LRIG1: variants seen among roughly 807,000 people sequenced by gnomAD.
LRIG1 encodes leucine rich repeats and immunoglobulin like domains 1.
In LRIG1, 48 loss-of-function variants were observed where a neutral mutation model predicts 99.2. The ratio of observed to expected loss-of-function variants is 0.48; its 90% confidence interval spans 0.38 to 0.62. The LOEUF (loss-of-function observed/expected upper bound fraction) is 0.62, where lower values mean the gene tolerates loss of function less well. Ranked by LOEUF, LRIG1 falls within the 20% of genes least tolerant of loss-of-function variation. The pLI is 0.00. For missense variants in LRIG1, 1,646 were observed against 1,434.4 expected (o/e 1.15, Z -2.38); for synonymous variants, 772 against 596.1 (o/e 1.29, Z -4.30).
At chr3:66,413,427 A>G (rs1029232583) in intron 5 of LRIG1, among the ~76,000 whole-genome samples, 2 of 152,258 alleles carry the variant, frequency 1.3e-5, no homozygotes, top group African/African-American at 4.8e-5. Flanking sequence ...AATCCACACC[A>G]CATGCCTCAA....
intron 3 of LRIG1, among the ~76,000 whole-genome samples, chr3:66,432,690 C>A (rs1703213939): frequency 6.6e-6 from 1 of 152,298 alleles, no homozygotes; most frequent in Admixed American, 6.5e-5. Context: ...ATATCCCACA[C>A]TCCTAGTCAG....
chr3:66,495,842 T>A (rs958730203), intron 1 of LRIG1, among the ~76,000 whole-genome samples: 1 of 152,120 alleles, frequency 6.6e-6, no homozygotes, highest in Non-Finnish European at 1.5e-5. Flanking sequence ...GCTGAAGACT[T>A]TGCACCAAGG....
intron 3 of LRIG1, among the ~76,000 whole-genome samples, chr3:66,427,489 G>T (rs1187647972): frequency 6.6e-6 from 1 of 152,178 alleles, no homozygotes; most frequent in Non-Finnish European, 1.5e-5. Flanking sequence ...ACACATGAAG[G>T]TGATGATTTC....
At chr3:66,477,011 C>T (rs551590389) in intron 1 of LRIG1, among the ~76,000 whole-genome samples, 6 of 152,296 alleles carry the variant, frequency 3.9e-5, no homozygotes, top group Middle Eastern at 3.4e-3. Flanking sequence ...GCTTTAAATA[C>T]GTCTGTTGAG....
At chr3:66,417,561 C>T (rs1214559733) in intron 3 of LRIG1, 1 of 371,902 alleles carries the variant, frequency 2.7e-6, no homozygotes, top group South Asian at 2.7e-5. Flanking sequence ...ATGACCTGAC[C>T]AGAATCCACG....
intron 9 of LRIG1, chr3:66,404,386 C>T (rs1453598721): frequency 2.1e-5 from 26 of 1,262,114 alleles, no homozygotes; most frequent in Middle Eastern, 4.7e-4. Flanking sequence ...GTCTTCCCTC[C>T]GAGCTGCTAG....
At chr3:66,493,193 G>A (rs1701144269) in intron 1 of LRIG1, among the ~76,000 whole-genome samples, 1 of 152,054 alleles carries the variant, frequency 6.6e-6, no homozygotes, top group South Asian at 2.1e-4. Flanking sequence ...ATTTTTCCAA[G>A]CTATTGACTG....
chr3:66,485,865 C>T (rs570844175), intron 1 of LRIG1, among the ~76,000 whole-genome samples: 5 of 152,174 alleles, frequency 3.3e-5, no homozygotes, highest in African/African-American at 9.7e-5. Context: ...GTATAGAGCA[C>T]CAGCTGTACA....
intron 3 of LRIG1, chr3:66,417,758 CAT>C (rs1414135200): frequency 6.6e-6 from 1 of 151,652 alleles, no homozygotes; most frequent in African/African-American, 2.4e-5. Context: ...CAACACCTAC[CAT>C]ATACCAGACA....
chr3:66,472,515 C>T (rs1452535857), intron 1 of LRIG1, among the ~76,000 whole-genome samples: 1 of 152,034 alleles, frequency 6.6e-6, no homozygotes, highest in Non-Finnish European at 1.5e-5. Flanking sequence ...AGTGATTTTA[C>T]ACACTACACG....
intron 3 of LRIG1, among the ~76,000 whole-genome samples, chr3:66,442,562 G>A (rs1703578393): frequency 1.3e-5 from 2 of 152,064 alleles, no homozygotes; most frequent in African/African-American, 4.8e-5. Flanking sequence ...GAGCAGCTCC[G>A]CTTCCCGGCT....
intron 3 of LRIG1, among the ~76,000 whole-genome samples, chr3:66,440,033 G>A (rs1425479160): frequency 1.3e-5 from 2 of 152,162 alleles, no homozygotes; most frequent in Non-Finnish European, 2.9e-5. Flanking sequence ...GGAAAAAAAG[G>A]AGTGGAGGGA....
chr3:66,452,988 T>C (rs1703956081), intron 2 of LRIG1, among the ~76,000 whole-genome samples: 5 of 152,222 alleles, frequency 3.3e-5, no homozygotes, highest in Admixed American at 3.3e-4. Flanking sequence ...TAACAGTCTC[T>C]TATCTGACTG....
Position 66,380,684 on chromosome 3 carries a change from G to A in LRIG1, c.2948C>T (p.Thr983Ile). 6.2e-7 allele frequency: 1 copy of A among 1,614,098 alleles called. No individual in the cohort carries two copies. The highest frequency in any genetic ancestry group is 2.2e-5 in the East Asian group (1 of 44,894). ...EHSPHHQCSR[T>I]AAGSCPECQG... Reference sequence around the variant, plus strand: ...GCACTCGGGGCAGGACCCAGCGGCAGTCCTGCTGCACTGGTGATGTGGAGA... The same window carrying A: ...GCACTCGGGGCAGGACCCAGCGGCAATCCTGCTGCACTGGTGATGTGGAGA... The change falls in exon 18 of 19, where the codon ACT (threonine) becomes ATT (isoleucine). Residue 983 changes from threonine to isoleucine, a missense_variant. Physicochemically the swap from Thr to Ile is moderately conservative, Grantham distance 89. Coordinates refer to ENST00000273261, the MANE Select transcript of LRIG1 (RefSeq NM_015541.3).
chr3:66,500,397 G>C lies in LRIG1; in HGVS notation c.11C>G (p.Pro4Arg), dbSNP rs1701332387. MAR[P>R]VRGGLGAPRR... The stretch of plus-strand genomic sequence containing the variant: ...CGGGGCCCCGAGCCCTCCCCGGACC[G>C]GCCGCGCCATCTTGTCTGGAGCGCG... Residue 4 changes from proline to arginine, a missense_variant, in exon 1 of 19, where the codon CCG becomes CGG. By Grantham distance (103) the Pro-to-Arg change is moderately radical. Coordinates refer to ENST00000273261, the MANE Select transcript of LRIG1 (RefSeq NM_015541.3). 1 of 1,423,266 alleles carries C rather than the reference G, an allele frequency of 7.0e-7. No homozygotes were observed. The highest frequency in any genetic ancestry group is 9.1e-7 in the Non-Finnish European group (1 of 1,096,596). The allele number at this position is 1,423,266 out of a possible 1,614,324, so 88.2% of individuals were successfully genotyped here.
chr3:66,472,520 T>C (rs1231603410), intron 1 of LRIG1, among the ~76,000 whole-genome samples: 2 of 152,048 alleles, frequency 1.3e-5, no homozygotes, highest in Admixed American at 1.3e-4. Context: ...TTTTACACAC[T>C]ACACGCTCAC....
intron 4 of LRIG1, among the ~76,000 whole-genome samples, chr3:66,416,000 A>G (rs1487616942): frequency 6.6e-6 from 1 of 152,212 alleles, no homozygotes; most frequent in Admixed American, 6.5e-5. Flanking sequence ...GACAAGGCAC[A>G]TAAGGATTCT....
intron 7 of LRIG1, 144 bp from the exon 8 acceptor site, chr3:66,407,635 C>A (rs748196489): frequency 3.0e-5 from 18 of 596,588 alleles, no homozygotes; most frequent in South Asian, 9.7e-5. Flanking sequence ...ACACACACAC[C>A]CACACCCACA....
intron 1 of LRIG1, among the ~76,000 whole-genome samples, chr3:66,491,161 A>G (rs1041240943): frequency 6.6e-6 from 1 of 152,228 alleles, no homozygotes; most frequent in Non-Finnish European, 1.5e-5. Flanking sequence ...AGCAGCCTCA[A>G]GTAGCCACAG....
Sources: gnomAD v4.1 joint callset for allele counts (sites outside exome capture counted in the v4.1 genomes callset) on GRCh38, gnomAD v4.1.1 for gene constraint, MANE v1.5 for transcripts, NCBI Gene and HGNC (gene_info 2026-07-23, HGNC 2026-07-21) for gene names.